Variants in RIMS2 observed in about 807,000 individuals in gnomAD.
RIMS2 encodes the protein regulating synaptic membrane exocytosis 2, also known as regulating synaptic membrane exocytosis protein 2.
In RIMS2, 59 loss-of-function variants were observed where a neutral mutation model predicts 174.4. That is an observed-to-expected ratio of 0.34 (90% CI 0.27 to 0.42). The LOEUF is 0.42. RIMS2 is among the 10% of genes least tolerant of loss of function. The pLI is 1.00. For synonymous variants in RIMS2, 606 were observed against 572.5 expected, an observed-to-expected ratio of 1.06 and a Z score of -0.84; for missense variants, 1,620 against 1,666.3, an observed-to-expected ratio of 0.97 and a Z score of 0.48.
intron 1 of RIMS2, among the ~76,000 whole-genome samples, chr8:103,629,532 G>T (rs907521790): frequency 6.6e-6 from 1 of 152,072 alleles, no homozygotes; most frequent in Non-Finnish European, 1.5e-5. Flanking sequence ...CTAACAGGAA[G>T]TAAAAAAATA....
intron 1 of RIMS2, among the ~76,000 whole-genome samples, chr8:103,599,057 A>T (rs1165775129): frequency 6.6e-6 from 1 of 152,094 alleles, no homozygotes; most frequent in Non-Finnish European, 1.5e-5. Flanking sequence ...AGGGAGAGAC[A>T]GCTATTAGGC....
chr8:104,056,703 G>A (rs941000697), intron 19 of RIMS2, among the ~76,000 whole-genome samples: 5 of 152,018 alleles, frequency 3.3e-5, no homozygotes, highest in Non-Finnish European at 7.4e-5. Flanking sequence ...GAAACATAGC[G>A]ATACCTCGTC....
chr8:103,835,018 A>ACCTCAGCT (rs2098865102), intron 3 of RIMS2, among the ~76,000 whole-genome samples: 1 of 150,884 alleles, frequency 6.6e-6, no homozygotes, highest in Non-Finnish European at 1.5e-5. Flanking sequence ...CGATCTGCCC[A>ACCTCAGCT]CCTCAGCTTC....
chr8:103,918,436 T>G lies in RIMS2; in HGVS notation c.2037-5T>G, dbSNP rs1442435210. 1 of 1,557,094 alleles carries G rather than the reference T, an allele frequency of 6.4e-7. No individual in the cohort carries two copies. The highest frequency in any genetic ancestry group is 1.2e-5 in the South Asian group (1 of 82,338). On this transcript the variant is annotated splice_polypyrimidine_tract_variant and splice_region_variant and intron_variant, in intron 8 of 23. Coordinates refer to ENST00000504942, the Ensembl canonical transcript of RIMS2. ...TGTCTTTCTTTTTTTTTTTAATCAT[T>G]TCAGAGATATACCGCGAATACCTGA...
chr8:104,210,321 A>G (rs2099099756), intron 19 of RIMS2, among the ~76,000 whole-genome samples: 1 of 152,198 alleles, frequency 6.6e-6, no homozygotes, highest in Non-Finnish European at 1.5e-5. Flanking sequence ...ATAATTATTT[A>G]TTAATTAAAA....
intron 1 of RIMS2, among the ~76,000 whole-genome samples, chr8:103,515,452 A>G (rs995617574): frequency 6.6e-6 from 1 of 152,184 alleles, no homozygotes; most frequent in African/African-American, 2.4e-5. Flanking sequence ...TACAATTTCA[A>G]TGATATTTTT....
downstream of RIMS2, chr8:104,254,888 A>T (rs930947451): frequency 6.6e-6 from 1 of 152,036 alleles, no homozygotes; most frequent in African/African-American, 2.4e-5. Context: ...TGTTTTCGGG[A>T]TGGGGAGACG....
chr8:103,755,809 C>A (rs867085584), intron 2 of RIMS2, among the ~76,000 whole-genome samples: 3 of 152,126 alleles, frequency 2.0e-5, no homozygotes, highest in Non-Finnish European at 4.4e-5. Context: ...ACTGATTATT[C>A]TATTTAGCAA....
intron 3 of RIMS2, among the ~76,000 whole-genome samples, chr8:103,789,127 G>A (rs925567274): frequency 3.3e-5 from 5 of 152,152 alleles, no homozygotes; most frequent in East Asian, 1.9e-4. Context: ...GCCCTGCTTC[G>A]GCTCGTGCAC....
intron 10 of RIMS2, among the ~76,000 whole-genome samples, chr8:103,925,940 G>A (rs1301593289): frequency 6.6e-6 from 1 of 151,362 alleles, no homozygotes; most frequent in Non-Finnish European, 1.5e-5. Context: ...TATTGTCAAC[G>A]CAAAAATATA....
At chr8:103,972,804 A>G (rs1311776213) in intron 15 of RIMS2, among the ~76,000 whole-genome samples, 1 of 152,070 alleles carries the variant, frequency 6.6e-6, no homozygotes, top group East Asian at 1.9e-4. Context: ...AAAATTGCAA[A>G]ATGCCCTCCT....
chr8:104,173,994 T>C (rs1178798318), intron 19 of RIMS2, among the ~76,000 whole-genome samples: 2 of 151,504 alleles, frequency 1.3e-5, no homozygotes, highest in Non-Finnish European at 2.9e-5. Flanking sequence ...TCACCCAGGC[T>C]GGAGAGCAAT....
chr8:103,501,086 C>T (rs748089306), intron 1 of RIMS2, 24 bp downstream of exon 1: 3 of 1,541,708 alleles, frequency 1.9e-6, no homozygotes, highest in South Asian at 2.4e-5. Context: ...TCCATATTCC[C>T]GCCTCTCTCC....
chr8:104,134,233 G>A (rs2098499408), intron 19 of RIMS2, among the ~76,000 whole-genome samples: 1 of 152,174 alleles, frequency 6.6e-6, no homozygotes, highest in African/African-American at 2.4e-5. Flanking sequence ...GAGAGGCCAA[G>A]GCAGGTGGAT....
chr8:104,010,007 T>TGGACGGAC (rs1341481628), intron 17 of RIMS2, among the ~76,000 whole-genome samples: 1 of 151,568 alleles, frequency 6.6e-6, no homozygotes, highest in African/African-American at 2.4e-5. Flanking sequence ...GATGGATGGA[T>TGGACGGAC]GGATGGACGG....
chr8:103,899,648 A>T (rs1594797019), intron 4 of RIMS2, among the ~76,000 whole-genome samples: 1 of 151,122 alleles, frequency 6.6e-6, no homozygotes, highest in Non-Finnish European at 1.5e-5. Context: ...GATTGCAAAA[A>T]TTTTCTCCCA....
At chr8:103,960,661 CATT>C (rs1426189514) in intron 14 of RIMS2, among the ~76,000 whole-genome samples, 7 of 152,110 alleles carry the variant, frequency 4.6e-5, no homozygotes, top group African/African-American at 1.7e-4. Context: ...GAATATAACA[CATT>C]GTGTTTTGAA....
rs2076619346 is a variant in RIMS2, at chr8:103,916,286, C to G, written c.1913-128C>G. Reference sequence around the variant, plus strand: ...TTTGTGTCACTGGAACTGTTGTTCTCAGTATGTTTCGTATTGTATAATGGT... The same window carrying G: ...TTTGTGTCACTGGAACTGTTGTTCTGAGTATGTTTCGTATTGTATAATGGT... On this transcript the variant is annotated intron_variant, in intron 7 of 23. Transcript: ENST00000504942. The G allele has an allele frequency of 5.4e-6, 3 of 555,178 alleles. No homozygotes were observed. In the East Asian group the frequency reaches 9.3e-5, roughly 17 times the overall value. 34.4% of individuals were successfully genotyped at this position (555,178 alleles called of 1,614,324 possible).
At chr8:104,168,894 A>G (rs548489437) in intron 19 of RIMS2, among the ~76,000 whole-genome samples, 4 of 152,074 alleles carry the variant, frequency 2.6e-5, no homozygotes, top group African/African-American at 4.8e-5. Flanking sequence ...TTCTGCATCT[A>G]TTGAGATGAT....
Sources: gnomAD v4.1 joint callset for allele counts (sites outside exome capture counted in the v4.1 genomes callset) on GRCh38, gnomAD v4.1.1 for gene constraint, MANE v1.5 for transcripts, NCBI Gene and HGNC (gene_info 2026-07-23, HGNC 2026-07-21) for gene names.